Variants in JPT1 observed in about 807,000 individuals in gnomAD.
JPT1 encodes the protein Jupiter microtubule associated homolog 1, also known as androgen-regulated protein 2.
In JPT1, 5 loss-of-function variants were observed where a neutral mutation model predicts 17.0. That is an observed-to-expected ratio of 0.29 (90% CI 0.15 to 0.62). The LOEUF (loss-of-function observed/expected upper bound fraction) is 0.62, where lower values mean the gene tolerates loss of function less well. Ranked by LOEUF, JPT1 falls within the 20% of genes least tolerant of loss-of-function variation. The pLI is 0.85. For synonymous variants in JPT1, 71 were observed against 73.6 expected, an observed-to-expected ratio of 0.96 and a Z score of 0.18; for missense variants, 158 against 188.1, an observed-to-expected ratio of 0.84 and a Z score of 0.94.
intron 3 of JPT1, among the ~76,000 whole-genome samples, chr17:75,147,016 G>A (rs547847034): frequency 2.0e-5 from 3 of 152,234 alleles, no homozygotes; most frequent in Admixed American, 6.5e-5. Flanking sequence ...TCCTTTCCCC[G>A]ATAAGGGGAA....
At chr17:75,144,803 T>C (rs1049591747) in intron 4 of JPT1, among the ~76,000 whole-genome samples, 47 of 152,194 alleles carry the variant, frequency 3.1e-4, no homozygotes, top group Admixed American at 2.1e-3. Flanking sequence ...TGTCCACTGA[T>C]TGGCGTGTGG....
At chr17:75,153,897 G>A (rs546081613) in intron 1 of JPT1, 1 of 152,646 alleles carries the variant, frequency 6.6e-6, no homozygotes, top group East Asian at 1.9e-4. Context: ...CCACGGGGGA[G>A]AGACAGGAGC....
chr17:75,135,950 C>T lies in JPT1; in HGVS notation c.*152G>A. On this transcript the variant is annotated 3_prime_UTR_variant, in exon 5 of 5. Coordinates refer to ENST00000409753, the MANE Select transcript of JPT1 (RefSeq NM_016185.4). ...CCAAGAGTCAAGGACAGAGAGAAAC[C>T]TGTTCTTCAAAAGAAAAAAAAAAAA... 1.3e-6 allele frequency: 2 copies of T among 1,537,834 alleles called. No homozygotes were observed. Among genetic ancestry groups the T allele is most frequent in the South Asian group, 1.2e-5 (1 of 81,330 alleles).
intron 4 of JPT1, chr17:75,138,279 T>G (rs1178227302): frequency 1.3e-5 from 2 of 152,104 alleles, no homozygotes; most frequent in Non-Finnish European, 2.9e-5. Context: ...TTCTTTTTAA[T>G]AGCAAGTTTA....
At chr17:75,150,585 A>AC (rs1303646520) in intron 1 of JPT1, among the ~76,000 whole-genome samples, 3 of 150,004 alleles carry the variant, frequency 2.0e-5, no homozygotes, top group African/African-American at 7.4e-5. Context: ...ACAGGGTTTC[A>AC]CCATGTTGGT....
intron 4 of JPT1, chr17:75,145,498 T>C (rs2074409959): frequency 6.6e-6 from 1 of 152,206 alleles, no homozygotes; most frequent in Non-Finnish European, 1.5e-5. Context: ...TAATTCGTAA[T>C]ATGGTTGGTT....
intron 1 of JPT1, among the ~76,000 whole-genome samples, chr17:75,150,476 C>T (rs1408923677): frequency 2.6e-5 from 4 of 152,160 alleles, no homozygotes; most frequent in African/African-American, 9.7e-5. Context: ...TGGTCTCGAA[C>T]TCCTGACCTC....
At chr17:75,150,859 T>TTTTTTTTTTTTGTTTTG (rs1555652355) in intron 1 of JPT1, among the ~76,000 whole-genome samples, 12 of 140,274 alleles carry the variant, frequency 8.6e-5, no homozygotes, top group Non-Finnish European at 1.3e-4. Flanking sequence ...TTTTTTTTTT[T>TTTTTTTTTTTTGTTTTG]TTTTTTTTTT....
Position 75,136,267 on chromosome 17 carries a change from T to C in JPT1, c.317-17A>G, listed in dbSNP as rs1451852495. The C allele has an allele frequency of 2.6e-6, 4 of 1,561,234 alleles. No homozygotes were observed. The highest frequency in any genetic ancestry group is 2.7e-5 in the African/African-American group (2 of 73,036). ...CCACATTTTCTATGAAAACAGGGAA[T>C]AGAAATAATACTCATAATGACAGCC... On this transcript the variant is annotated splice_polypyrimidine_tract_variant and intron_variant, in intron 4 of 4. Coordinates refer to ENST00000409753, the MANE Select transcript of JPT1 (RefSeq NM_016185.4).
At chr17:75,136,286 G>A in intron 4 of JPT1, 36 bp from the exon 5 acceptor site, 1 of 1,514,166 alleles carries the variant, frequency 6.6e-7, no homozygotes, top group Non-Finnish European at 8.9e-7. Context: ...TACTCATAAT[G>A]ACAGCCATTT....
chr17:75,145,954 T>C (rs1214258440), intron 4 of JPT1: 1 of 151,724 alleles, frequency 6.6e-6, no homozygotes, highest in Non-Finnish European at 1.5e-5. Flanking sequence ...GTTGTACCCC[T>C]GTAGTCCCAG....
intron 4 of JPT1, chr17:75,145,722 C>G (rs1242932115): frequency 6.6e-6 from 1 of 152,176 alleles, no homozygotes; most frequent in Admixed American, 6.6e-5. Context: ...CCTTGTTTTA[C>G]TCTTTCCCCT....
rs564010390 is a variant in JPT1, at chr17:75,135,705, C to A, written c.*397G>T. 5.0e-5 allele frequency: 12 copies of A among 240,406 alleles called. No individual in the cohort carries two copies. The East Asian group carries it at 9.4e-4, about 19-fold the overall frequency. The allele number at this position is 240,406 out of a possible 1,614,324, so 14.9% of individuals were successfully genotyped here. A position where few individuals can be genotyped will look rare whatever the true frequency, so the allele number is the denominator to read the frequency against. On this transcript the variant is annotated 3_prime_UTR_variant, in exon 5 of 5. Transcript: ENST00000409753. ...CCAAGAAGGCTCTGCGGAGAGACTC[C>A]CTGTGGGTTGGGGCCTGGCAGGAAC...
In JPT1 at chr17:75,135,885, A is replaced by T; in HGVS notation, c.*217T>A. ...CTAAGTGTCACAAAGCTTTCCCTCC[A>T]ATCTACTACTAGAAAACACTCATGC... On this transcript the variant is annotated 3_prime_UTR_variant, in exon 5 of 5. Coordinates refer to ENST00000409753, the MANE Select transcript of JPT1 (RefSeq NM_016185.4). 3.2e-6 allele frequency: 3 copies of T among 942,750 alleles called. No individual in the cohort carries two copies. The highest frequency in any genetic ancestry group is 2.5e-5 in the East Asian group (1 of 39,428). 58.4% of individuals were successfully genotyped at this position (942,750 alleles called of 1,614,324 possible).
intron 4 of JPT1, among the ~76,000 whole-genome samples, chr17:75,144,347 CAAA>C (rs1211978093): frequency 6.6e-6 from 1 of 150,920 alleles, no homozygotes; most frequent in Non-Finnish European, 1.5e-5. Context: ...CACATCTCTA[CAAA>C]AAAAGAAAAA....
chr17:75,136,782 G>A (rs1357821788), intron 4 of JPT1, among the ~76,000 whole-genome samples: 5 of 152,018 alleles, frequency 3.3e-5, no homozygotes, highest in Admixed American at 1.3e-4. Flanking sequence ...GAGCCACCGC[G>A]CCTGGCCCAA....
At chr17:75,141,424 A>AGGG (rs1366194776) in intron 4 of JPT1, 2 of 152,180 alleles carry the variant, frequency 1.3e-5, no homozygotes, top group Non-Finnish European at 2.9e-5. Flanking sequence ...AGGCCAAGGC[A>AGGG]GGGGGATCAC....
intron 1 of JPT1, chr17:75,149,083 G>A (rs973059251): frequency 1.6e-6 from 2 of 1,267,652 alleles, no homozygotes; most frequent in African/African-American, 1.5e-5. Context: ...AGGCACAGTG[G>A]CACACACCTG....
chr17:75,137,938 T>G (rs2074238448), intron 4 of JPT1, among the ~76,000 whole-genome samples: 3 of 149,230 alleles, frequency 2.0e-5, no homozygotes, highest in South Asian at 4.3e-4. Context: ...ATTAAGCCAC[T>G]GCACCCGGCC....
Sources: gnomAD v4.1 joint callset for allele counts (sites outside exome capture counted in the v4.1 genomes callset) on GRCh38, gnomAD v4.1.1 for gene constraint, MANE v1.5 for transcripts, NCBI Gene and HGNC (gene_info 2026-07-23, HGNC 2026-07-21) for gene names.